The following PIK3C2G variants were observed in gnomAD, a reference collection of about 807,000 sequenced individuals.
PIK3C2G encodes the protein phosphatidylinositol 3-kinase C2 domain-containing subunit gamma.
A neutral mutation model predicts 181.1 loss-of-function variants in PIK3C2G; 168 were observed. The ratio of observed to expected loss-of-function variants is 0.93; its 90% confidence interval spans 0.82 to 1.05. The LOEUF (loss-of-function observed/expected upper bound fraction) is 1.05, where lower values mean the gene tolerates loss of function less well. Among genes scored for constraint, PIK3C2G ranks in the 50% least tolerant of loss-of-function variants. The pLI, the probability that PIK3C2G is intolerant of heterozygous loss-of-function variation, is 0.00. For synonymous variants in PIK3C2G, 573 were observed against 592.2 expected (o/e 0.97, Z 0.47); for missense variants, 1,869 against 1,732.8 (o/e 1.08, Z -1.40).
At chr12:18,452,503 T>TA (rs1157114939) in intron 18 of PIK3C2G, among the ~76,000 whole-genome samples, 11 of 147,608 alleles carry the variant, frequency 7.5e-5, no homozygotes, top group African/African-American at 2.8e-4. Context: ...TAATCTTTTT[T>TA]TAAAAAAAAA....
At chr12:18,499,696 G>A (rs909559470) in intron 22 of PIK3C2G, among the ~76,000 whole-genome samples, 2 of 152,208 alleles carry the variant, frequency 1.3e-5, no homozygotes, top group African/African-American at 4.8e-5. Context: ...GTGGAGGAGA[G>A]GCTCAAAGGT....
At chr12:18,579,741 A>G (rs1242897493) in intron 29 of PIK3C2G, among the ~76,000 whole-genome samples, 1 of 152,106 alleles carries the variant, frequency 6.6e-6, no homozygotes, top group Non-Finnish European at 1.5e-5. Context: ...TAGTTCATTT[A>G]AGTTCATTCT....
chr12:18,701,830 G>A, the PIK3C2G span: 1 of 1,550,438 alleles, frequency 6.4e-7, no homozygotes, highest in Admixed American at 1.9e-5. Flanking sequence ...AATTTGCATT[G>A]TAACAGTCAC....
chr12:18,656,629 G>A, the PIK3C2G span, among the ~76,000 whole-genome samples: 3 of 152,022 alleles, frequency 2.0e-5, no homozygotes, highest in Non-Finnish European at 4.4e-5. Flanking sequence ...CCAGCTACTT[G>A]GGAAGCTCAG....
chr12:18,280,081 C>A (rs1244122728), intron 1 of PIK3C2G, among the ~76,000 whole-genome samples: 1 of 151,982 alleles, frequency 6.6e-6, no homozygotes, highest in Non-Finnish European at 1.5e-5. Context: ...TTACCACATG[C>A]ACACATAATT....
intron 16 of PIK3C2G, among the ~76,000 whole-genome samples, chr12:18,406,103 T>C (rs1944514528): frequency 6.6e-6 from 1 of 152,192 alleles, no homozygotes. Flanking sequence ...CTTTTTCAGA[T>C]TCCACATTTA....
At chr12:18,607,893 A>G (rs1948121716) in intron 30 of PIK3C2G, among the ~76,000 whole-genome samples, 1 of 152,214 alleles carries the variant, frequency 6.6e-6, no homozygotes, top group South Asian at 2.1e-4. Flanking sequence ...GGCGAAGAAT[A>G]TAAATAAGAC....
chr12:18,356,844 T>C (rs1465585128), intron 11 of PIK3C2G, among the ~76,000 whole-genome samples: 1 of 131,956 alleles, frequency 7.6e-6, no homozygotes, highest in Non-Finnish European at 1.6e-5. Context: ...CCATCTGTCA[T>C]TGGAGCCTGG....
chr12:18,376,307 A>G (rs1390062297), intron 13 of PIK3C2G, among the ~76,000 whole-genome samples: 1 of 152,214 alleles, frequency 6.6e-6, no homozygotes, highest in Non-Finnish European at 1.5e-5. Flanking sequence ...TTGGAGCATT[A>G]AGATTTAATG....
chr12:18,667,629 G>A, the PIK3C2G span, among the ~76,000 whole-genome samples: 1 of 152,140 alleles, frequency 6.6e-6, no homozygotes, highest in South Asian at 2.1e-4. Context: ...GGGGAAAGGA[G>A]TTAGCGTTTA....
chr12:18,565,398 C>T (rs970849854), intron 28 of PIK3C2G, among the ~76,000 whole-genome samples: 4 of 151,900 alleles, frequency 2.6e-5, no homozygotes, highest in African/African-American at 9.7e-5. Context: ...ATATGCTTGG[C>T]GAGAGTTGAC....
chr12:18,283,678 T>C (rs1350757521), intron 2 of PIK3C2G, among the ~76,000 whole-genome samples: 1 of 152,198 alleles, frequency 6.6e-6, no homozygotes, highest in African/African-American at 2.4e-5. Flanking sequence ...CATCTAATTC[T>C]ACTTCATTTG....
chr12:18,526,315 C>T (rs1169502179), intron 24 of PIK3C2G, among the ~76,000 whole-genome samples: 1 of 152,148 alleles, frequency 6.6e-6, no homozygotes, highest in Non-Finnish European at 1.5e-5. Flanking sequence ...CTGTTATTCA[C>T]AATTGCTTTC....
intron 18 of PIK3C2G, among the ~76,000 whole-genome samples, chr12:18,446,837 A>G (rs1947057346): frequency 6.6e-6 from 1 of 152,128 alleles, no homozygotes; most frequent in South Asian, 2.1e-4. Context: ...CTGTATATAT[A>G]CAGTCTACTG....
At chr12:18,501,680 C>T (rs1289520610) in intron 22 of PIK3C2G, among the ~76,000 whole-genome samples, 2 of 152,120 alleles carry the variant, frequency 1.3e-5, no homozygotes, top group African/African-American at 2.4e-5. Flanking sequence ...TTTATGATTT[C>T]AATTAATGAG....
chr12:18,397,894 T>A (rs1333560045), intron 15 of PIK3C2G, among the ~76,000 whole-genome samples: 1 of 151,960 alleles, frequency 6.6e-6, no homozygotes, highest in Non-Finnish European at 1.5e-5. Context: ...GGAGAGTGAA[T>A]AAGTAAATTA....
In PIK3C2G at chr12:18,524,445, G is replaced by A. The variant is rs114624501; in HGVS notation, c.3324-13711G>A. On this transcript the variant is annotated intron_variant, in intron 24 of 32. Coordinates refer to ENST00000538779, the MANE Select transcript of PIK3C2G (RefSeq NM_001288772.2). ...AATTTCTGGGTATGGGGGTAGTGAG[G>A]CCACAGAAATCTTTGTCACTTTGTT... Among the ~76,000 whole-genome samples the A allele has an allele frequency of 2.3e-3, 343 of 152,194 alleles. 2 individuals carry two copies. The highest frequency in any genetic ancestry group is 7.8e-3 in the African/African-American group (325 of 41,514).
At chr12:18,286,815 A>G (rs201020815) in intron 2 of PIK3C2G, 32 bp from the exon 3 acceptor site, 1 of 1,143,234 alleles carries the variant, frequency 8.7e-7, no homozygotes, top group East Asian at 2.7e-5. Flanking sequence ...CTCTTCTCCA[A>G]ATTATATTAA....
intron 18 of PIK3C2G, among the ~76,000 whole-genome samples, chr12:18,467,033 A>C (rs1937957023): frequency 6.6e-6 from 1 of 152,068 alleles, no homozygotes; most frequent in African/African-American, 2.4e-5. Flanking sequence ...TATTGAGTTC[A>C]CTTTTGGAAT....
Sources: gnomAD v4.1 joint callset for allele counts (sites outside exome capture counted in the v4.1 genomes callset) on GRCh38, gnomAD v4.1.1 for gene constraint, MANE v1.5 for transcripts, NCBI Gene and HGNC (gene_info 2026-07-23, HGNC 2026-07-21) for gene names.